SLC2A9: variants seen among roughly 807,000 people sequenced by gnomAD.
SLC2A9 encodes the protein solute carrier family 2 member 9.
SLC2A9 carries 39 observed loss-of-function variants against 50.6 expected under a neutral mutation model. That is an observed-to-expected ratio of 0.77 (90% CI 0.60 to 1.01). The LOEUF (loss-of-function observed/expected upper bound fraction) is 1.01. Ranked by LOEUF, SLC2A9 falls within the 50% of genes least tolerant of loss-of-function variation. SLC2A9 has a pLI of 0.00. For missense variants in SLC2A9, 686 were observed against 677.6 expected, an observed-to-expected ratio of 1.01 and a Z score of -0.14; for synonymous variants, 324 against 276.9, an observed-to-expected ratio of 1.17 and a Z score of -1.69.
intron 10 of SLC2A9, among the ~76,000 whole-genome samples, chr4:9,836,876 C>T (rs1217425697): frequency 6.6e-6 from 1 of 152,180 alleles, no homozygotes; most frequent in Non-Finnish European, 1.5e-5. Flanking sequence ...AATTTGGAGA[C>T]AATTGCTCCA....
At chr4:9,775,831 C>G (rs1717479806), downstream of SLC2A9, among the ~76,000 whole-genome samples, 1 of 152,158 alleles carries the variant, frequency 6.6e-6, no homozygotes, top group Admixed American at 6.5e-5. Flanking sequence ...TTCTTTATAG[C>G]AATGCAAGGA....
chr4:9,847,011 G>GTT (rs1288318659), intron 10 of SLC2A9, among the ~76,000 whole-genome samples: 11 of 152,162 alleles, frequency 7.2e-5, no homozygotes, highest in African/African-American at 2.2e-4. Context: ...CAGGTAAGTC[G>GTT]TATCTCTGGC....
downstream of SLC2A9, among the ~76,000 whole-genome samples, chr4:9,776,657 A>G (rs1717607410): frequency 6.6e-6 from 1 of 152,144 alleles, no homozygotes; most frequent in Non-Finnish European, 1.5e-5. Context: ...GTACAGTCAA[A>G]GGGTCTGAGT....
At chr4:9,875,122 GAA>G in intron 10 of SLC2A9, among the ~76,000 whole-genome samples, 3 of 62,252 alleles carry the variant, frequency 4.8e-5, no homozygotes, top group Non-Finnish European at 1.1e-4. Flanking sequence ...TGTGTCTTTA[GAA>G]ATGGCCATAG....
chr4:9,917,223 A>T (rs1327174957), intron 7 of SLC2A9, among the ~76,000 whole-genome samples: 1 of 151,306 alleles, frequency 6.6e-6, no homozygotes, highest in Non-Finnish European at 1.5e-5. Context: ...TTGAAAGCCT[A>T]TTGTGTAAGG....
intron 1 of SLC2A9, 43 bp from the exon 2 acceptor site, chr4:10,019,116 C>T (rs1339672472): frequency 3.3e-6 from 5 of 1,510,068 alleles, no homozygotes; most frequent in Non-Finnish European, 3.6e-6. Flanking sequence ...ACCGGGCGCG[C>T]AGCCAGGGCC....
chr4:9,907,783 G>A (rs1365319992), intron 8 of SLC2A9, among the ~76,000 whole-genome samples: 2 of 152,182 alleles, frequency 1.3e-5, no homozygotes, highest in Non-Finnish European at 2.9e-5. Context: ...ATCTAGGAAG[G>A]AAATATTCTC....
chr4:9,777,245 G>T (rs1221804341), downstream of SLC2A9, among the ~76,000 whole-genome samples: 2 of 151,418 alleles, frequency 1.3e-5, no homozygotes, highest in South Asian at 4.2e-4. Flanking sequence ...AGCTGAAATG[G>T]CAATCTTGTG....
chr4:9,931,416 G>A (rs1259294099), intron 6 of SLC2A9, among the ~76,000 whole-genome samples: 1 of 152,238 alleles, frequency 6.6e-6, no homozygotes, highest in Non-Finnish European at 1.5e-5. Context: ...TCTTGCCCCA[G>A]TTACAGATTC....
At chr4:9,927,309 G>A (rs895093172) in intron 6 of SLC2A9, among the ~76,000 whole-genome samples, 7 of 152,164 alleles carry the variant, frequency 4.6e-5, no homozygotes, top group African/African-American at 1.7e-4. Context: ...GAGCCACCAC[G>A]CCCAACCCCA....
intron 10 of SLC2A9, among the ~76,000 whole-genome samples, chr4:9,878,219 A>G (rs1734605312): frequency 6.6e-6 from 1 of 152,026 alleles, no homozygotes; most frequent in Admixed American, 6.6e-5. Context: ...GATTTCTTAA[A>G]AGCCTTGGGA....
upstream of SLC2A9, among the ~76,000 whole-genome samples, chr4:10,024,969 G>A (rs1763704595): frequency 6.6e-6 from 1 of 152,172 alleles, no homozygotes; most frequent in Admixed American, 6.5e-5. Context: ...CACTTAGAGG[G>A]AACTGCTGTC....
At chr4:10,007,323 T>C (rs543525141) in intron 2 of SLC2A9, among the ~76,000 whole-genome samples, 1 of 152,358 alleles carries the variant, frequency 6.6e-6, no homozygotes, top group South Asian at 2.1e-4. Flanking sequence ...CCTGGCTGAC[T>C]CACTGGGAAA....
chr4:9,801,483 T>C (rs116533216), intron 3 of SLC2A9, among the ~76,000 whole-genome samples: 2,286 of 152,322 alleles, frequency 0.015, 27 homozygotes, highest in Non-Finnish European at 0.022. Flanking sequence ...TTGGAGACCC[T>C]AGTGAGCTGT....
At chr4:9,849,285 G>A (rs915676299) in intron 10 of SLC2A9, among the ~76,000 whole-genome samples, 3 of 152,170 alleles carry the variant, frequency 2.0e-5, no homozygotes, top group Non-Finnish European at 2.9e-5. Flanking sequence ...AGGGTGTGGA[G>A]GCAGACTGGG....
At chr4:9,915,525 C>T (rs975557400) in intron 7 of SLC2A9, among the ~76,000 whole-genome samples, 13 of 152,218 alleles carry the variant, frequency 8.5e-5, no homozygotes, top group African/African-American at 3.1e-4. Flanking sequence ...TGTGAGCCAC[C>T]ATGCCCAGCT....
chr4:9,850,127 G>C (rs1729633577), intron 10 of SLC2A9, among the ~76,000 whole-genome samples: 1 of 152,112 alleles, frequency 6.6e-6, no homozygotes, highest in Non-Finnish European at 1.5e-5. Flanking sequence ...GCACGGGGCT[G>C]CTGAGCAATG....
At chr4:9,848,698 T>A (rs1041526723) in intron 10 of SLC2A9, among the ~76,000 whole-genome samples, 3 of 144,504 alleles carry the variant, frequency 2.1e-5, no homozygotes, top group African/African-American at 8.2e-5. Flanking sequence ...GAGTGGAAAT[T>A]CTTTTTTTTT....
intron 3 of SLC2A9, among the ~76,000 whole-genome samples, chr4:9,989,402 C>G: frequency 6.6e-6 from 1 of 152,134 alleles, no homozygotes; most frequent in East Asian, 1.9e-4. Flanking sequence ...AGGACTATTT[C>G]ATATGTTTTC....
Sources: allele counts gnomAD v4.1 joint callset (sites outside exome capture counted in the v4.1 genomes callset), GRCh38; gene constraint gnomAD v4.1.1; transcripts MANE v1.5; gene names NCBI Gene and HGNC (gene_info 2026-07-23, HGNC 2026-07-21).